The following WWP2 variants were observed in gnomAD, a reference collection of about 807,000 sequenced individuals.
The protein encoded by WWP2 is NEDD4-like E3 ubiquitin-protein ligase WWP2.
WWP2 carries 57 observed loss-of-function variants against 121.0 expected under a neutral mutation model. The ratio of observed to expected loss-of-function variants is 0.47; its 90% CI spans 0.38 to 0.59. The LOEUF (loss-of-function observed/expected upper bound fraction) is 0.59, where lower values mean the gene tolerates loss of function less well. WWP2 is among the 20% of genes least tolerant of loss of function. The probability of loss-of-function intolerance (pLI) is 0.00; values close to 1 mark genes in which losing one functional copy is unlikely to be tolerated. For missense variants in WWP2, 962 were observed against 1,158.9 expected, an observed-to-expected ratio of 0.83 and a Z score of 2.47; for synonymous variants, 449 against 441.3, an observed-to-expected ratio of 1.02 and a Z score of -0.22.
intron 1 of WWP2, among the ~76,000 whole-genome samples, chr16:69,764,536 A>G (rs1324356969): frequency 6.6e-6 from 1 of 152,220 alleles, no homozygotes; most frequent in Non-Finnish European, 1.5e-5. Flanking sequence ...AAAAAGTGTA[A>G]CATTTTAAGG....
intron 6 of WWP2, among the ~76,000 whole-genome samples, chr16:69,846,865 G>C (rs375366377): frequency 2.0e-5 from 3 of 152,172 alleles, no homozygotes; most frequent in South Asian, 2.1e-4. Flanking sequence ...TGCCTGGGTG[G>C]TGGCTCCCAA....
chr16:69,811,044 C>T (rs2056382482), intron 4 of WWP2, among the ~76,000 whole-genome samples: 1 of 152,156 alleles, frequency 6.6e-6, no homozygotes, highest in Admixed American at 6.5e-5. Context: ...TATGAGCCAC[C>T]ATGCCCGGCT....
chr16:69,820,204 G>C (rs1439339305), intron 4 of WWP2, among the ~76,000 whole-genome samples: 1 of 152,112 alleles, frequency 6.6e-6, no homozygotes. Flanking sequence ...CTGTACTCCA[G>C]CCTGGGTGAC....
In WWP2 at chr16:69,939,223, GAGA is replaced by G; in HGVS notation, c.2440+104_2440+106del. 2.6e-6 allele frequency: 4 copies of G among 1,556,948 alleles called. No individual in the cohort carries two copies. The South Asian group carries it at 4.6e-5, about 18-fold the overall frequency. On this transcript the variant is annotated intron_variant, in intron 22 of 23. Transcript: ENST00000359154. ...TTCCTGGAAGCACGTCAGTGGGATG[GAGA>G]AGAGCTGTGGCCTCTGCATCCTGGG...
At chr16:69,767,264 A>G (rs1267529316) in intron 1 of WWP2, among the ~76,000 whole-genome samples, 1 of 152,136 alleles carries the variant, frequency 6.6e-6, no homozygotes, top group East Asian at 1.9e-4. Context: ...TCAAACATGT[A>G]TTGAATGCAT....
chr16:69,827,898 C>CT, intron 4 of WWP2: 1 of 455,810 alleles, frequency 2.2e-6, no homozygotes, highest in Non-Finnish European at 4.4e-6. Flanking sequence ...CCCCAGGTAC[C>CT]TTTTAAAAAA....
chr16:69,898,869 ACTTTTTCTGTATTTAG>A (rs1327765139), intron 8 of WWP2, among the ~76,000 whole-genome samples: 1 of 152,138 alleles, frequency 6.6e-6, no homozygotes, highest in East Asian at 1.9e-4. Context: ...ACTCCCAGAT[ACTTTTTCTGTATTTAG>A]TAGAGACGGG....
intron 2 of WWP2, among the ~76,000 whole-genome samples, chr16:69,787,504 C>T (rs55992518): frequency 0.27 from 40,504 of 152,072 alleles, 5,953 homozygotes; most frequent in East Asian, 0.41. Context: ...GTGGGAGGAT[C>T]GCTTGAGCCT....
At chr16:69,887,683 GT>G (rs1333532723) in intron 7 of WWP2, among the ~76,000 whole-genome samples, 1 of 152,188 alleles carries the variant, frequency 6.6e-6, no homozygotes, top group African/African-American at 2.4e-5. Flanking sequence ...TGGGATTACA[GT>G]TGTGAGCCAC....
At chr16:69,904,353 TTAAC>T (rs896880237) in intron 8 of WWP2, among the ~76,000 whole-genome samples, 3 of 152,024 alleles carry the variant, frequency 2.0e-5, no homozygotes, top group Non-Finnish European at 2.9e-5. Context: ...GAGAAGATCT[TTAAC>T]TATACCCAGT....
At chr16:69,822,551 T>TTG (rs968952483) in intron 4 of WWP2, among the ~76,000 whole-genome samples, 4 of 150,528 alleles carry the variant, frequency 2.7e-5, no homozygotes, top group East Asian at 3.9e-4. Flanking sequence ...GTGTGTGTGT[T>TTG]TGTGTGTGTG....
intron 2 of WWP2, 49 bp downstream of exon 2, chr16:69,787,129 G>C (rs1002116025): frequency 1.7e-5 from 26 of 1,543,678 alleles, no homozygotes; most frequent in Non-Finnish European, 2.3e-5. Context: ...CCAGGGAAGA[G>C]GGAGAATCTA....
chr16:69,906,496 G>A (rs1199765710), intron 8 of WWP2, among the ~76,000 whole-genome samples: 1 of 152,136 alleles, frequency 6.6e-6, no homozygotes. Flanking sequence ...GATACATCAG[G>A]CTTAATAGTA....
chr16:69,812,989 C>T (rs558629930), intron 4 of WWP2, among the ~76,000 whole-genome samples: 1 of 152,172 alleles, frequency 6.6e-6, no homozygotes, highest in East Asian at 1.9e-4. Flanking sequence ...TACTCTGATG[C>T]CTATAGATTT....
At chr16:69,841,386 G>T (rs1346511071) in intron 5 of WWP2, among the ~76,000 whole-genome samples, 2 of 152,162 alleles carry the variant, frequency 1.3e-5, no homozygotes, top group South Asian at 2.1e-4. Context: ...GAGGAGTTTA[G>T]ACAGGCCAAG....
chr16:69,859,571 G>GAAAA (rs200280946), intron 6 of WWP2, among the ~76,000 whole-genome samples: 1 of 150,832 alleles, frequency 6.6e-6, no homozygotes, highest in Admixed American at 6.6e-5. Flanking sequence ...AAAAGAAAAA[G>GAAAA]AAAAAAAAAG....
chr16:69,836,302 T>C (rs910762007), intron 4 of WWP2, among the ~76,000 whole-genome samples: 2 of 152,150 alleles, frequency 1.3e-5, no homozygotes, highest in Admixed American at 1.3e-4. Flanking sequence ...CTTTTTTTTT[T>C]TTGTTTAAAT....
chr16:69,850,820 G>C (rs12447914), intron 6 of WWP2, among the ~76,000 whole-genome samples: 59,100 of 151,838 alleles, frequency 0.39, 11,704 homozygotes, highest in Admixed American at 0.5. Context: ...TTGTTTGTTT[G>C]TTTGTTTTTG....
At chr16:69,897,335 T>C (rs979367585) in intron 8 of WWP2, among the ~76,000 whole-genome samples, 3 of 152,126 alleles carry the variant, frequency 2.0e-5, no homozygotes, top group Admixed American at 6.6e-5. Context: ...ACTCCTGGGC[T>C]CAAGCAATCT....
Sources: gnomAD v4.1 joint callset for allele counts (sites outside exome capture counted in the v4.1 genomes callset) on GRCh38, gnomAD v4.1.1 for gene constraint, MANE v1.5 for transcripts, NCBI Gene and HGNC (gene_info 2026-07-23, HGNC 2026-07-21) for gene names.